Variants in DYM observed in about 807,000 individuals in gnomAD.
DYM encodes the protein dyggve-Melchior-Clausen syndrome protein.
A neutral mutation model predicts 93.1 loss-of-function variants in DYM; 78 were observed. That is an observed-to-expected ratio of 0.84 (90% confidence interval 0.70 to 1.01). The LOEUF is 1.01. Ranked by LOEUF, DYM falls within the 50% of genes least tolerant of loss-of-function variation. The pLI is 0.00. For missense variants in DYM, 789 were observed against 845.0 expected, an observed-to-expected ratio of 0.93 and a Z score of 0.82; for synonymous variants, 321 against 319.7, an observed-to-expected ratio of 1.00 and a Z score of -0.04.
chr18:49,182,566 C>T (rs979251307), intron 14 of DYM, among the ~76,000 whole-genome samples: 1 of 152,130 alleles, frequency 6.6e-6, no homozygotes, highest in East Asian at 1.9e-4. Flanking sequence ...TCTCTGAAGT[C>T]ACTTTGCCTG....
intron 6 of DYM, among the ~76,000 whole-genome samples, chr18:49,346,012 C>A (rs2064561592): frequency 6.6e-6 from 1 of 152,136 alleles, no homozygotes. Flanking sequence ...GAAACTGAAA[C>A]CCTCTTTCAT....
chr18:49,233,134 G>C (rs550744265), intron 13 of DYM, among the ~76,000 whole-genome samples: 32 of 152,068 alleles, frequency 2.1e-4, no homozygotes, highest in African/African-American at 7.7e-4. Context: ...GGCCAAGGCG[G>C]GTGGATCACC....
intron 1 of DYM, among the ~76,000 whole-genome samples, chr18:49,448,651 AG>A (rs2082290813): frequency 6.6e-6 from 1 of 152,168 alleles, no homozygotes; most frequent in African/African-American, 2.4e-5. Context: ...GGAAAAAAGC[AG>A]GGGGGATGCC....
intron 2 of DYM, among the ~76,000 whole-genome samples, chr18:49,400,269 A>G (rs1213578076): frequency 6.6e-6 from 1 of 151,994 alleles, no homozygotes; most frequent in African/African-American, 2.4e-5. Context: ...TTCCAAATAT[A>G]AAAGAGCATA....
At chr18:49,195,663 T>C (rs2091370880) in intron 14 of DYM, among the ~76,000 whole-genome samples, 2 of 152,166 alleles carry the variant, frequency 1.3e-5, no homozygotes, top group Non-Finnish European at 2.9e-5. Flanking sequence ...GAAAAAGTTT[T>C]GTGTTTTTAG....
intron 10 of DYM, among the ~76,000 whole-genome samples, chr18:49,280,883 T>C (rs1432926616): frequency 1.3e-5 from 2 of 152,206 alleles, no homozygotes; most frequent in Non-Finnish European, 2.9e-5. Flanking sequence ...ATTCAGGACA[T>C]AGGCATAGGC....
At chr18:49,316,537 A>G (rs974363966) in intron 8 of DYM, among the ~76,000 whole-genome samples, 1 of 152,220 alleles carries the variant, frequency 6.6e-6, no homozygotes, top group Admixed American at 6.5e-5. Context: ...ATAAGATGCA[A>G]TTTAAATAAA....
rs371998809 is a variant in DYM at position 49,234,130 on chromosome 18, AAAC to A, written c.1460+22877_1460+22879del. On this transcript the variant is annotated intron_variant, in intron 13 of 17. Coordinates refer to ENST00000675505, the MANE Select transcript of DYM (RefSeq NM_001353214.3). ...GGTAACAGAGCAAGACTCCACCTCA[AAAC>A]AACAACAACAACAACAAAACTGAAG... 9.7e-3 allele frequency among the ~76,000 whole-genome samples: 1,475 copies of A among 151,654 alleles called. 22 individuals carry two copies. Among genetic ancestry groups the A allele is most frequent in the African/African-American group, 0.034 (1,404 of 41,312 alleles).
chr18:49,187,468 G>T (rs1019391653), intron 14 of DYM, among the ~76,000 whole-genome samples: 5 of 152,144 alleles, frequency 3.3e-5, no homozygotes, highest in Admixed American at 3.3e-4. Flanking sequence ...TAAGGCATTA[G>T]AAATCCCATT....
At position 49,327,923 on chromosome 18, in the gene DYM, A is replaced by G. The variant is rs112282221; in HGVS notation, c.763+3941T>C. On this transcript the variant is annotated intron_variant, in intron 8 of 17. Coordinates refer to ENST00000675505, the MANE Select transcript of DYM (RefSeq NM_001353214.3). ...ACTGCAGGGGACACCCACACAAGTC[A>G]AGGAGCTTATGCCCTCAGGACTTGG... is the stretch of plus-strand genomic sequence containing the variant. Among the ~76,000 whole-genome samples the G allele has an allele frequency of 3.1e-3, 473 of 152,314 alleles. 1 individual carries two copies. Among genetic ancestry groups the G allele is most frequent in the Non-Finnish European group, 4.5e-3 (307 of 68,034 alleles).
At chr18:49,411,469 TA>T (rs140090878) in intron 2 of DYM, among the ~76,000 whole-genome samples, 3,626 of 152,304 alleles carry the variant, frequency 0.024, 137 homozygotes, top group African/African-American at 0.081. Flanking sequence ...GCTAAAATTT[TA>T]AATTAAGTAT....
chr18:49,392,007 T>C (rs777536357), intron 2 of DYM, among the ~76,000 whole-genome samples: 2 of 152,158 alleles, frequency 1.3e-5, no homozygotes, highest in Non-Finnish European at 2.9e-5. Context: ...AGTTTAGAAA[T>C]ATGCTATTAT....
intron 5 of DYM, among the ~76,000 whole-genome samples, chr18:49,364,735 A>C (rs924235898): frequency 6.6e-6 from 1 of 152,164 alleles, no homozygotes; most frequent in Non-Finnish European, 1.5e-5. Context: ...CCAGTACTGC[A>C]GTGTATATTC....
intron 17 of DYM, among the ~76,000 whole-genome samples, chr18:49,062,913 C>A (rs2076094572): frequency 6.6e-6 from 1 of 152,168 alleles, no homozygotes; most frequent in African/African-American, 2.4e-5. Context: ...TTATAATCCA[C>A]CTGGAAAGCC....
At chr18:49,050,276 A>C (rs2072243759) in intron 17 of DYM, among the ~76,000 whole-genome samples, 1 of 151,164 alleles carries the variant, frequency 6.6e-6, no homozygotes, top group Admixed American at 6.6e-5. Flanking sequence ...TTTTTAGTAG[A>C]GACGGGGTTT....
chr18:49,241,326 AACT>A (rs2094002637), intron 13 of DYM, among the ~76,000 whole-genome samples: 4 of 152,188 alleles, frequency 2.6e-5, no homozygotes, highest in Non-Finnish European at 5.9e-5. Flanking sequence ...GCTAGGGTCA[AACT>A]TGGATTTCAA....
chr18:49,445,870 G>A (rs1230995055), intron 1 of DYM, among the ~76,000 whole-genome samples: 1 of 151,174 alleles, frequency 6.6e-6, no homozygotes, highest in Non-Finnish European at 1.5e-5. Flanking sequence ...GGAGGGAAGG[G>A]GAAACATGGT....
chr18:49,201,511 A>G (rs1029700399), intron 14 of DYM, among the ~76,000 whole-genome samples: 3 of 152,190 alleles, frequency 2.0e-5, no homozygotes, highest in African/African-American at 4.8e-5. Flanking sequence ...GTAAAACTCA[A>G]TGGGCTACCA....
intron 6 of DYM, among the ~76,000 whole-genome samples, chr18:49,350,483 G>A (rs754865452): frequency 2.0e-5 from 3 of 151,980 alleles, no homozygotes; most frequent in African/African-American, 2.4e-5. Flanking sequence ...CAAGGTGGGC[G>A]GATCACGAGG....
Sources: gnomAD v4.1 joint callset for allele counts (sites outside exome capture counted in the v4.1 genomes callset) on GRCh38, gnomAD v4.1.1 for gene constraint, MANE v1.5 for transcripts, NCBI Gene and HGNC (gene_info 2026-07-23, HGNC 2026-07-21) for gene names.